BRWD1: variants seen among roughly 807,000 people sequenced by gnomAD.
BRWD1 encodes bromodomain and WD repeat domain containing 1, also known as bromodomain and WD repeat-containing protein 1.
BRWD1 carries 82 observed loss-of-function variants against 251.2 expected under a neutral mutation model. The ratio of observed to expected loss-of-function variants is 0.33; its 90% confidence interval spans 0.27 to 0.39. The LOEUF (loss-of-function observed/expected upper bound fraction) is 0.39, where lower values mean the gene tolerates loss of function less well. BRWD1 is among the 10% of genes least tolerant of loss of function. The probability of loss-of-function intolerance (pLI) is 1.00; values close to 1 mark genes in which losing one functional copy is unlikely to be tolerated. For synonymous variants in BRWD1, 918 were observed against 902.8 expected, an observed-to-expected ratio of 1.02 and a Z score of -0.30; for missense variants, 2,233 against 2,711.6, an observed-to-expected ratio of 0.82 and a Z score of 3.92.
chr21:39,284,632 G>A (rs1007993061), intron 8 of BRWD1, among the ~76,000 whole-genome samples: 2 of 152,160 alleles, frequency 1.3e-5, no homozygotes, highest in Admixed American at 6.5e-5. Flanking sequence ...ACTGGGGTGA[G>A]GTAGTATCTC....
chr21:39,300,920 CA>C (rs2036092632), intron 4 of BRWD1, among the ~76,000 whole-genome samples: 1 of 152,044 alleles, frequency 6.6e-6, no homozygotes, highest in Admixed American at 6.6e-5. Context: ...AAAATAAATG[CA>C]AAGAAAACCC....
At chr21:39,215,094 G>C in intron 32 of BRWD1, 143 bp downstream of exon 32, 1 of 706,894 alleles carries the variant, frequency 1.4e-6, no homozygotes, top group Non-Finnish European at 2.3e-6. Flanking sequence ...GGTCTCAAAT[G>C]CCTGACCGCA....
rs1283595737 is a variant in BRWD1 at position 39,255,903 on chromosome 21, G to A, written c.2072-75C>T. The A allele has an allele frequency of 2.9e-5, 38 of 1,322,020 alleles. 2 individuals carry two copies. The South Asian group carries it at 3.2e-4, about 11-fold the overall frequency. The allele number at this position is 1,322,020 out of a possible 1,614,324, so 81.9% of individuals were successfully genotyped here. A position where few individuals can be genotyped will look rare whatever the true frequency, so the allele number is the denominator to read the frequency against. ...TACATTTAGCATGTAACAAGCACAC[G>A]TTCACCTAAGATGCGCACCAAAAAT... On this transcript the variant is annotated intron_variant, in intron 18 of 40. Transcript: ENST00000342449.
intron 31 of BRWD1, chr21:39,217,083 A>ATTTTTTTTTT (rs1160265618): frequency 3.5e-5 from 1 of 28,874 alleles, no homozygotes; most frequent in African/African-American, 1.4e-4. Context: ...ATATATATAT[A>ATTTTTTTTTT]TTTTTTTTTT....
intron 15 of BRWD1, among the ~76,000 whole-genome samples, chr21:39,268,180 T>C (rs1318640995): frequency 2.0e-5 from 3 of 152,080 alleles, no homozygotes; most frequent in African/African-American, 7.2e-5. Context: ...CTAAAAAAAT[T>C]AGTTTAATAA....
In BRWD1 at chr21:39,194,048, C is replaced by G. The variant is rs2031688497; in HGVS notation, c.*2211G>C. The G allele has an allele frequency of 6.1e-6, 6 of 985,524 alleles. No homozygotes were observed. Among genetic ancestry groups the G allele is most frequent in the Non-Finnish European group, 7.2e-6 (6 of 829,714 alleles). 61.0% of individuals were successfully genotyped at this position (985,524 alleles called of 1,614,324 possible). On this transcript the variant is annotated 3_prime_UTR_variant, in exon 41 of 41. Transcript: ENST00000342449. ...TCCATTCTTGCTGCTTCTGATGAAA[C>G]CAAATCTGATTAAAAACCAAAATAC... is the stretch of plus-strand genomic sequence containing the variant.
At chr21:39,248,087 G>T (rs1047624275) in intron 20 of BRWD1, among the ~76,000 whole-genome samples, 1 of 152,078 alleles carries the variant, frequency 6.6e-6, no homozygotes, top group Non-Finnish European at 1.5e-5. Context: ...GGTTTACCAC[G>T]AATGAGGGAA....
At position 39,196,792 on chromosome 21, in the gene BRWD1, G is replaced by A; in HGVS notation, c.6277C>T (p.Leu2093=). The change falls in exon 41 of 41, where the codon CTG becomes TTG. Residue 2093 remains leucine, a synonymous_variant. Transcript: ENST00000342449. The stretch of plus-strand genomic sequence containing the variant: ...AGTCTTCTGCCATTCCACCTGCGCA[G>A]CCCATAATTCAGTTCCACTTCAAAA... ...NNFEVELNYG[L]RRWNGRRLRT... is the part of the protein sequence containing the mutation. 1 of 1,613,116 alleles carries A rather than the reference G, an allele frequency of 6.2e-7. No individual in the cohort carries two copies. Among genetic ancestry groups the A allele is most frequent in the Non-Finnish European group, 8.5e-7 (1 of 1,179,886 alleles).
Position 39,187,986 on chromosome 21 carries a change from A to G in BRWD1, c.*8273T>C. 1.0e-6 allele frequency: 1 copy of G among 985,280 alleles called. No homozygotes were observed. Among genetic ancestry groups the G allele is most frequent in the Non-Finnish European group, 1.2e-6 (1 of 829,866 alleles). 61.0% of individuals were successfully genotyped at this position (985,280 alleles called of 1,614,324 possible). On this transcript the variant is annotated 3_prime_UTR_variant, in exon 41 of 41. Coordinates refer to ENST00000342449, the MANE Select transcript of BRWD1 (RefSeq NM_033656.4). ...CAAAAAGCACTTTGGAGAGTTAACT[A>G]CTTCATGCAGACTAAGGCAGTTTTT...
chr21:39,188,049 C>G lies in BRWD1; in HGVS notation c.*8210G>C, dbSNP rs140712472. ...AAATCACACTGGAGCTCTACACAGC[C>G]ACATGATGCCAGAGCTACTACTCCG... On this transcript the variant is annotated 3_prime_UTR_variant, in exon 41 of 41. Coordinates refer to ENST00000342449, the MANE Select transcript of BRWD1 (RefSeq NM_033656.4). 324 of 985,368 alleles carry G rather than the reference C, an allele frequency of 3.3e-4. 4 individuals are homozygous for G. In the Admixed American group the frequency reaches 0.017, roughly 51 times the overall value. The allele number at this position is 985,368 out of a possible 1,614,324, so 61.0% of individuals were successfully genotyped here.
chr21:39,198,847 A>G lies in BRWD1; in HGVS notation c.5569T>C (p.Ser1857Pro). ...CATCCATGATCTGAGGAACACTGGG[A>G]CATAGCAATAGGGTCACAGTTCAGA... Reference protein sequence around the residue: ...GNLNCDPIAMSQCSSDHGCET... With the variant: ...GNLNCDPIAMPQCSSDHGCET... Residue 1857 changes from serine to proline, a missense_variant, in exon 40 of 41, where the codon TCC (serine) becomes CCC (proline). By Grantham distance (74) the Ser-to-Pro change is moderately conservative. Coordinates refer to ENST00000342449, the MANE Select transcript of BRWD1 (RefSeq NM_033656.4). The G allele has an allele frequency of 6.2e-7, 1 of 1,614,076 alleles. No homozygotes were observed. The highest frequency in any genetic ancestry group is 8.5e-7 in the Non-Finnish European group (1 of 1,179,932).
chr21:39,278,701 T>C (rs370376764), intron 10 of BRWD1, 42 bp downstream of exon 10: 11 of 1,094,330 alleles, frequency 1.0e-5, no homozygotes, highest in Non-Finnish European at 1.4e-5. Flanking sequence ...AATAGATGTT[T>C]AAAAAAAAAA....
At chr21:39,211,461 G>C (rs1201683926) in intron 34 of BRWD1, among the ~76,000 whole-genome samples, 1 of 152,198 alleles carries the variant, frequency 6.6e-6, no homozygotes, top group Non-Finnish European at 1.5e-5. Context: ...GAGTCAGAGA[G>C]AGACTGAAAA....
rs1173981979 is a variant in BRWD1 at position 39,189,285 on chromosome 21, A to G, written c.*6974T>C. The G allele has an allele frequency of 1.9e-5, 19 of 984,544 alleles. No individual in the cohort carries two copies. Among genetic ancestry groups the G allele is most frequent in the Non-Finnish European group, 6.0e-6 (5 of 829,244 alleles). 61.0% of individuals were successfully genotyped at this position (984,544 alleles called of 1,614,324 possible). ...ATAACTGGTTCATTCCCAACAACCT[A>G]TTCATCCAGACAAATAGATAAAATT... On this transcript the variant is annotated 3_prime_UTR_variant, in exon 41 of 41. Transcript: ENST00000342449.
chr21:39,200,212 C>G lies in BRWD1; in HGVS notation c.4753+7G>C, dbSNP rs1195663459. The G allele has an allele frequency of 7.5e-6, 12 of 1,598,996 alleles. No individual in the cohort carries two copies. ...ACATTCCATAAAAGTACTACTGAGT[C>G]TCTTACCAGTTTTTCTTTGAGCAGC... On this transcript the variant is annotated splice_region_variant and intron_variant, in intron 39 of 40. Transcript: ENST00000342449.
chr21:39,215,307 A>C lies in BRWD1; in HGVS notation c.3715T>G (p.Phe1239Val), dbSNP rs1284037671. Residue 1239 changes from phenylalanine to valine, a missense_variant, in exon 32 of 41, where the codon TTT (phenylalanine) becomes GTT (valine). Transcript: ENST00000342449. Reference sequence around the variant, plus strand: ...GCAATTACACTCTCAGGTTCGTTAAATGTTCTGGCATTATGTTCTATATAT... The same window carrying C: ...GCAATTACACTCTCAGGTTCGTTAACTGTTCTGGCATTATGTTCTATATAT... ...VRYIEHNART[F>V]NEPESVIARS... 6.2e-7 allele frequency: 1 copy of C among 1,613,382 alleles called. No individual in the cohort carries two copies. The highest frequency in any genetic ancestry group is 1.7e-5 in the Admixed American group (1 of 60,020).
rs1450685355 is a variant in BRWD1 at position 39,229,431 on chromosome 21, T to C, written c.3006A>G (p.Gln1002=). 3.1e-6 allele frequency: 5 copies of C among 1,607,834 alleles called. No homozygotes were observed. Among genetic ancestry groups the C allele is most frequent in the Non-Finnish European group, 3.4e-6 (4 of 1,175,042 alleles). ...GTATTCCAACTATTTTAACCAATTCTTGATCCTTTAACAGACATATTTTTT... is the reference window on the plus strand; with the variant it reads ...GTATTCCAACTATTTTAACCAATTCCTGATCCTTTAACAGACATATTTTTT... ...EPWRKMDLRD[Q]ELVKIVGIRY... is the part of the protein sequence containing the mutation. Residue 1002 remains glutamine, a synonymous_variant, in exon 26 of 41, where the codon CAA becomes CAG. Coordinates refer to ENST00000342449, the MANE Select transcript of BRWD1 (RefSeq NM_033656.4).
chr21:39,306,431 T>G (rs943680930), intron 4 of BRWD1, among the ~76,000 whole-genome samples: 2 of 152,082 alleles, frequency 1.3e-5, no homozygotes, highest in African/African-American at 4.8e-5. Flanking sequence ...TTAATTGTAA[T>G]TTTCATGTAT....
chr21:39,223,790 C>A (rs2033272449), intron 29 of BRWD1, among the ~76,000 whole-genome samples: 1 of 151,950 alleles, frequency 6.6e-6, no homozygotes, highest in African/African-American at 2.4e-5. Context: ...TGAAGGAAGA[C>A]CAAGGGTAAA....
Sources: allele counts gnomAD v4.1 joint callset (sites outside exome capture counted in the v4.1 genomes callset), GRCh38; gene constraint gnomAD v4.1.1; transcripts MANE v1.5; gene names NCBI Gene and HGNC (gene_info 2026-07-23, HGNC 2026-07-21).